Variants in CIDEC observed in about 807,000 individuals in gnomAD.
CIDEC encodes the protein lipid transferase CIDEC.
Under a neutral mutation model 21.9 loss-of-function variants are expected in CIDEC, and 11 were observed. The ratio of observed to expected loss-of-function variants is 0.50; its 90% CI spans 0.32 to 0.83. The LOEUF (loss-of-function observed/expected upper bound fraction) is 0.83, where lower values mean the gene tolerates loss of function less well. CIDEC is among the 40% of genes least tolerant of loss of function. CIDEC has a pLI of 0.04. For synonymous variants in CIDEC, 127 were observed against 124.9 expected (o/e 1.02, Z -0.11); for missense variants, 302 against 302.3 (o/e 1.00, Z 0.01).
At chr3:9,872,028 CTCGA>C (rs1385222094) in intron 4 of CIDEC, among the ~76,000 whole-genome samples, 1 of 151,668 alleles carries the variant, frequency 6.6e-6, no homozygotes, top group Non-Finnish European at 1.5e-5. Flanking sequence ...CAAGGCTGTT[CTCGA>C]ACTCCTGGAT....
intron 6 of CIDEC, among the ~76,000 whole-genome samples, chr3:9,869,590 T>TA: frequency 6.6e-6 from 1 of 152,152 alleles, no homozygotes; most frequent in Non-Finnish European, 1.5e-5. Context: ...GAAGACTACT[T>TA]AGGAAAACTT....
chr3:9,867,087 C>T lies in CIDEC; in HGVS notation c.*47G>A. On this transcript the variant is annotated 3_prime_UTR_variant, in exon 7 of 7. Transcript: ENST00000336832. ...TGGGCACTACCAGTTAAGCGTGAGG[C>T]CCCCAGTCAGTCCTTCACTGGGGAA... 6.3e-7 allele frequency: 1 copy of T among 1,590,106 alleles called. No individual in the cohort carries two copies.
chr3:9,867,225 A>C lies in CIDEC; in HGVS notation c.626T>G (p.Leu209Arg). The change falls in exon 7 of 7, where the codon CTG (leucine) becomes CGG (arginine). Residue 209 changes from leucine to arginine, a missense_variant. Transcript: ENST00000336832. ...CTCCGTAGCATCGAGGAGCTGCTGC[A>C]GGTAACAGGAGGTGCCAAGCAGTAC... ...GHVLLGTSCYLQQLLDATEEG... is the reference protein window; with the variant it reads ...GHVLLGTSCYRQQLLDATEEG... The C allele has an allele frequency of 6.2e-7, 1 of 1,614,138 alleles. No homozygotes were observed. The highest frequency in any genetic ancestry group is 8.5e-7 in the Non-Finnish European group (1 of 1,180,004).
At chr3:9,876,814 C>T (rs1420850895) in intron 4 of CIDEC, among the ~76,000 whole-genome samples, 1 of 149,116 alleles carries the variant, frequency 6.7e-6, no homozygotes, top group African/African-American at 2.5e-5. Flanking sequence ...TGAGATTTTC[C>T]AGCAAGAAAA....
chr3:9,878,892 G>T, intron 2 of CIDEC, 50 bp downstream of exon 2: 1 of 1,364,002 alleles, frequency 7.3e-7, no homozygotes, highest in Non-Finnish European at 1.0e-6. Flanking sequence ...ACTTTACGCT[G>T]GCAGGAGGTG....
chr3:9,867,142 G>A lies in CIDEC; in HGVS notation c.709C>T (p.Leu237=). ...TCCAAGGACTTGGGCTTTCACTGCAGTATCTTCAGACAGGTCGGGATAAGG... is the reference window on the plus strand; with the variant it reads ...TCCAAGGACTTGGGCTTTCACTGCAATATCTTCAGACAGGTCGGGATAAGG... ...SSLIPTCLKI[L]Q The change falls in exon 7 of 7, where the codon CTG becomes TTG. Residue 237 remains leucine (L), a synonymous_variant. Transcript: ENST00000336832. The A allele has an allele frequency of 6.2e-7, 1 of 1,613,384 alleles. No homozygotes were observed. The highest frequency in any genetic ancestry group is 1.1e-5 in the South Asian group (1 of 91,046).
At chr3:9,869,453 T>C (rs1471953452) in intron 6 of CIDEC, among the ~76,000 whole-genome samples, 1 of 152,118 alleles carries the variant, frequency 6.6e-6, no homozygotes, top group Non-Finnish European at 1.5e-5. Context: ...TTTTGCCATG[T>C]TGGCCAGGCT....
chr3:9,871,108 T>C (rs1306976431), intron 4 of CIDEC, among the ~76,000 whole-genome samples: 2 of 151,992 alleles, frequency 1.3e-5, no homozygotes, highest in Non-Finnish European at 2.9e-5. Context: ...ACATATGTTT[T>C]CAATTTTCCT....
intron 3 of CIDEC, chr3:9,878,169 G>C (rs925724848): frequency 2.1e-6 from 1 of 468,934 alleles, no homozygotes; most frequent in Admixed American, 3.3e-5. Flanking sequence ...TTGTTGTGAG[G>C]CTTACATGAG....
At chr3:9,872,018 CA>C (rs1420838147) in intron 4 of CIDEC, among the ~76,000 whole-genome samples, 13 of 151,858 alleles carry the variant, frequency 8.6e-5, no homozygotes, top group Middle Eastern at 3.4e-3. Context: ...ACCATGTTGC[CA>C]AGGCTGTTCT....
intron 4 of CIDEC, among the ~76,000 whole-genome samples, chr3:9,872,860 G>A (rs765158185): frequency 4.6e-5 from 7 of 152,000 alleles, no homozygotes; most frequent in Admixed American, 1.3e-4. Context: ...GTGGTGGTGC[G>A]CGCCTGTAGT....
intron 4 of CIDEC, 35 bp from the exon 5 acceptor site, chr3:9,870,357 C>A (rs749877635): frequency 3.1e-6 from 5 of 1,608,286 alleles, no homozygotes; most frequent in Non-Finnish European, 4.2e-6. Flanking sequence ...TCTGCCATCC[C>A]AGAACAAGTG....
Position 9,878,530 on chromosome 3 carries a change from C to A in CIDEC, c.-25-19G>T. The A allele has an allele frequency of 6.2e-7, 1 of 1,606,506 alleles. No individual in the cohort carries two copies. Among genetic ancestry groups the A allele is most frequent in the Non-Finnish European group, 8.5e-7 (1 of 1,173,094 alleles). On this transcript the variant is annotated intron_variant, in intron 2 of 6. Transcript: ENST00000336832. ...GTTGGACCTGGGAAGGAGGCAGAAACAATTCATCAGGGTGAGATGAGAGGG... is the reference window on the plus strand; with the variant it reads ...GTTGGACCTGGGAAGGAGGCAGAAAAAATTCATCAGGGTGAGATGAGAGGG...
rs1271361642 is a variant in CIDEC at position 9,877,174 on chromosome 3, C to G, written c.99G>C (p.Ser33=). 6.4e-7 allele frequency: 1 copy of G among 1,551,200 alleles called. No homozygotes were observed. ...CCCTGGGGGCCTTGGGGCTGGGCTC[C>G]GACAGCAGCTGCTGGGTCACCACAG... ...RTSVVTQQLL[S]EPSPKAPRAR... The change falls in exon 4 of 7, where the codon TCG becomes TCC. Residue 33 remains serine (S), a synonymous_variant. Transcript: ENST00000336832.
At chr3:9,877,812 G>A (rs985221559) in intron 3 of CIDEC, 2 of 165,572 alleles carry the variant, frequency 1.2e-5, no homozygotes, top group South Asian at 1.5e-4. Flanking sequence ...TGTTTCACAA[G>A]TTCCCAAGTG....
intron 6 of CIDEC, among the ~76,000 whole-genome samples, chr3:9,869,174 A>G (rs1281680228): frequency 1.3e-5 from 2 of 151,958 alleles, no homozygotes; most frequent in Non-Finnish European, 1.5e-5. Context: ...GGATTTTGAA[A>G]TCTCCTTTGA....
intron 4 of CIDEC, among the ~76,000 whole-genome samples, chr3:9,872,064 C>T (rs563554272): frequency 2.1e-4 from 32 of 152,284 alleles, no homozygotes; most frequent in South Asian, 6.2e-4. Flanking sequence ...CCTCCCGCCT[C>T]GGCCTCCTAA....
Position 9,869,988 on chromosome 3 carries a change from G to C in CIDEC, c.448C>G (p.Leu150Val). 6.2e-7 allele frequency: 1 copy of C among 1,614,188 alleles called. No individual in the cohort carries two copies. Among genetic ancestry groups the C allele is most frequent in the Non-Finnish European group, 8.5e-7 (1 of 1,180,012 alleles). Residue 150 changes from leucine to valine, a missense_variant, in exon 6 of 7, where the codon CTG (leucine) becomes GTG (valine). Transcript: ENST00000336832. ...VARVTFDLYKLNPQDFIGCLN... is the reference protein window; with the variant it reads ...VARVTFDLYKVNPQDFIGCLN... ...CAGCCAATGAAGTCCTGTGGGTTCAGCTTGTACAGATCAAACGTTACACGG... is the reference window on the plus strand; with the variant it reads ...CAGCCAATGAAGTCCTGTGGGTTCACCTTGTACAGATCAAACGTTACACGG...
Position 9,866,930 on chromosome 3 carries a change from TG to T in CIDEC, c.*203del. On this transcript the variant is annotated 3_prime_UTR_variant, in exon 7 of 7. Coordinates refer to ENST00000336832, the MANE Select transcript of CIDEC (RefSeq NM_001321142.2). ...TAAGCTGCCTTGGGCAGGAAGGAGCTGGATCAGGCCAGGAGCTTGAGGTTCT... is the reference window on the plus strand; with the variant it reads ...TAAGCTGCCTTGGGCAGGAAGGAGCTGATCAGGCCAGGAGCTTGAGGTTCT... 1 of 666,514 alleles carries T rather than the reference TG, an allele frequency of 1.5e-6. No homozygotes were observed. Among genetic ancestry groups the T allele is most frequent in the Non-Finnish European group, 2.7e-6 (1 of 367,582 alleles). The allele number at this position is 666,514 out of a possible 1,614,324, so 41.3% of individuals were successfully genotyped here. A position where few individuals can be genotyped will look rare whatever the true frequency, so the allele number is the denominator to read the frequency against.
Sources: gnomAD v4.1 joint callset for allele counts (sites outside exome capture counted in the v4.1 genomes callset) on GRCh38, gnomAD v4.1.1 for gene constraint, MANE v1.5 for transcripts, NCBI Gene and HGNC (gene_info 2026-07-23, HGNC 2026-07-21) for gene names.